ZBTB20: variants seen among roughly 807,000 people sequenced by gnomAD.
ZBTB20 encodes the protein zinc finger and BTB domain-containing protein 20.
ZBTB20 carries 9 observed loss-of-function variants against 56.9 expected under a neutral mutation model. The observed-to-expected ratio is 0.16, with a 90% CI of 0.10 to 0.28. ZBTB20 has a LOEUF of 0.28. ZBTB20 is among the 10% of genes least tolerant of loss of function. The pLI is 1.00. For synonymous variants in ZBTB20, 417 were observed against 420.7 expected, an observed-to-expected ratio of 0.99 and a Z score of 0.11; for missense variants, 655 against 1,003.0, an observed-to-expected ratio of 0.65 and a Z score of 4.69.
intron 5 of ZBTB20, among the ~76,000 whole-genome samples, chr3:114,780,107 T>G (rs1578834753): frequency 1.3e-5 from 2 of 152,214 alleles, no homozygotes; most frequent in Non-Finnish European, 2.9e-5. Flanking sequence ...TATCAATGAT[T>G]GTCATGATAT....
chr3:114,611,735 T>C (rs1023818530), intron 6 of ZBTB20, among the ~76,000 whole-genome samples: 7 of 152,206 alleles, frequency 4.6e-5, no homozygotes, highest in Admixed American at 1.3e-4. Flanking sequence ...TGAGTCTTGA[T>C]TGCTCTTTAC....
At chr3:114,725,315 T>A (rs2065194157) in intron 5 of ZBTB20, among the ~76,000 whole-genome samples, 1 of 152,208 alleles carries the variant, frequency 6.6e-6, no homozygotes, top group Non-Finnish European at 1.5e-5. Flanking sequence ...ATTATCTTCA[T>A]CTCTTTTCAT....
chr3:114,606,308 T>A (rs1252330963), intron 6 of ZBTB20, among the ~76,000 whole-genome samples: 2 of 152,190 alleles, frequency 1.3e-5, no homozygotes, highest in African/African-American at 2.4e-5. Context: ...AAGATACCAA[T>A]CAGTTGCTGC....
At chr3:114,452,208 T>C (rs1404169137) in intron 7 of ZBTB20, among the ~76,000 whole-genome samples, 4 of 152,128 alleles carry the variant, frequency 2.6e-5, no homozygotes, top group Non-Finnish European at 5.9e-5. Context: ...ACAACTCTTG[T>C]CTTCAATATA....
chr3:114,811,520 G>T (rs1220076950), intron 4 of ZBTB20, among the ~76,000 whole-genome samples: 1 of 151,988 alleles, frequency 6.6e-6, no homozygotes, highest in African/African-American at 2.4e-5. Context: ...TTTTCCTTCA[G>T]AGACTTAAAT....
At chr3:115,009,165 AT>A (rs1192483020) in intron 2 of ZBTB20, among the ~76,000 whole-genome samples, 1 of 151,720 alleles carries the variant, frequency 6.6e-6, no homozygotes, top group Non-Finnish European at 1.5e-5. Context: ...TATTCTTCAA[AT>A]TTTTTTAATG....
intron 3 of ZBTB20, among the ~76,000 whole-genome samples, chr3:114,965,965 T>C (rs1404876842): frequency 6.6e-6 from 1 of 152,176 alleles, no homozygotes; most frequent in Non-Finnish European, 1.5e-5. Flanking sequence ...GTTGTGTCTT[T>C]ACTGTTAAGT....
intron 6 of ZBTB20, among the ~76,000 whole-genome samples, chr3:114,681,961 T>C (rs368122428): frequency 3.5e-4 from 53 of 152,224 alleles, no homozygotes; most frequent in African/African-American, 1.2e-3. Context: ...TGGCACAGAG[T>C]AGGTCTTCAT....
chr3:114,331,357 GTT>G lies in ZBTB20; in HGVS notation c.*7646_*7647del, dbSNP rs1451642633. 2.6e-5 allele frequency: 4 copies of G among 152,196 alleles called. No individual in the cohort carries two copies. The highest frequency in any genetic ancestry group is 9.7e-5 in the African/African-American group (4 of 41,424). 9.4% of individuals were successfully genotyped at this position (152,196 alleles called of 1,614,324 possible). On this transcript the variant is annotated 3_prime_UTR_variant, in exon 12 of 12. Coordinates refer to ENST00000675478, the MANE Select transcript of ZBTB20 (RefSeq NM_001348800.3). The stretch of plus-strand genomic sequence containing the variant: ...GGAGGAAAACAGCCTGTCCCTGTGG[GTT>G]TGCTGTGGATTCAACAAGCTGCATT...
intron 10 of ZBTB20, 42 bp from the exon 11 acceptor site, chr3:114,351,920 G>C (rs1254989559): frequency 1.9e-6 from 3 of 1,555,938 alleles, no homozygotes; most frequent in South Asian, 1.2e-5. Flanking sequence ...GCATGGGTCA[G>C]ATCTAGCTGG....
chr3:114,802,311 T>C (rs748455647), intron 4 of ZBTB20, among the ~76,000 whole-genome samples: 24 of 151,914 alleles, frequency 1.6e-4, no homozygotes, highest in Non-Finnish European at 3.1e-4. Flanking sequence ...CCCCTTAAAT[T>C]GTACTATTAT....
At chr3:114,460,244 G>A (rs1448872608) in intron 7 of ZBTB20, among the ~76,000 whole-genome samples, 2 of 152,128 alleles carry the variant, frequency 1.3e-5, no homozygotes, top group Admixed American at 6.6e-5. Flanking sequence ...TATTCCTAAT[G>A]TAGTCTGATA....
intron 1 of ZBTB20, among the ~76,000 whole-genome samples, chr3:115,091,676 T>TTATA (rs142068157): frequency 6.7e-6 from 1 of 148,360 alleles, no homozygotes; most frequent in Non-Finnish European, 1.5e-5. Flanking sequence ...AATGTGTATT[T>TTATA]TATATATATA....
intron 10 of ZBTB20, 165 bp from the exon 11 acceptor site, chr3:114,352,043 A>C: frequency 1.1e-6 from 1 of 878,680 alleles, no homozygotes; most frequent in Non-Finnish European, 1.7e-6. Context: ...AGCTGTAGGT[A>C]CGATGACCTG....
In ZBTB20 at chr3:114,336,258, T is replaced by G. The variant is rs1024558027; in HGVS notation, c.*2747A>C. On this transcript the variant is annotated 3_prime_UTR_variant, in exon 12 of 12. Coordinates refer to ENST00000675478, the MANE Select transcript of ZBTB20 (RefSeq NM_001348800.3). ...TTCATTTTATGGGTGGAATCACTTG[T>G]TTTCCAAAATATCAAAACAATTCCA... 6.6e-6 allele frequency: 1 copy of G among 152,250 alleles called. No individual in the cohort carries two copies. The highest frequency in any genetic ancestry group is 1.5e-5 in the Non-Finnish European group (1 of 68,044). 9.4% of individuals were successfully genotyped at this position (152,250 alleles called of 1,614,324 possible). A position where few individuals can be genotyped will look rare whatever the true frequency, so the allele number is the denominator to read the frequency against.
chr3:115,012,813 C>T (rs1412414329), intron 2 of ZBTB20, among the ~76,000 whole-genome samples: 6 of 151,630 alleles, frequency 4.0e-5, no homozygotes, highest in South Asian at 4.1e-4. Context: ...GACCATACGT[C>T]GGGTCACAAA....
At chr3:114,453,131 A>C (rs1189609938) in intron 7 of ZBTB20, among the ~76,000 whole-genome samples, 2 of 152,188 alleles carry the variant, frequency 1.3e-5, no homozygotes, top group Non-Finnish European at 2.9e-5. Context: ...TGAAAATGAT[A>C]AGCATTCTGA....
At chr3:114,969,481 T>G (rs1560448359) in intron 3 of ZBTB20, among the ~76,000 whole-genome samples, 4 of 152,146 alleles carry the variant, frequency 2.6e-5, no homozygotes, top group African/African-American at 9.7e-5. Context: ...AAAATATAGT[T>G]GGGAACAGGA....
At chr3:114,826,830 A>C (rs1404878081) in intron 4 of ZBTB20, among the ~76,000 whole-genome samples, 2 of 151,738 alleles carry the variant, frequency 1.3e-5, no homozygotes, top group African/African-American at 4.8e-5. Flanking sequence ...CATGTCTATA[A>C]GTTATTAGAA....
Sources: allele counts gnomAD v4.1 joint callset (sites outside exome capture counted in the v4.1 genomes callset), GRCh38; gene constraint gnomAD v4.1.1; transcripts MANE v1.5; gene names NCBI Gene and HGNC (gene_info 2026-07-23, HGNC 2026-07-21).